Variants in CUBN observed in about 807,000 individuals in gnomAD.
CUBN encodes cubilin.
CUBN carries 282 observed loss-of-function variants against 405.3 expected under a neutral mutation model. The ratio of observed to expected loss-of-function variants is 0.70; its 90% CI spans 0.63 to 0.77. The LOEUF (loss-of-function observed/expected upper bound fraction) is 0.77, where lower values mean the gene tolerates loss of function less well. CUBN is among the 30% of genes least tolerant of loss of function. The pLI, the probability that CUBN is intolerant of heterozygous loss-of-function variation, is 0.00. For missense variants in CUBN, 4,514 were observed against 4,475.2 expected (o/e 1.01, Z -0.25); for synonymous variants, 1,684 against 1,617.0 (o/e 1.04, Z -0.99).
chr10:17,003,687 T>A (rs1176385025), intron 28 of CUBN, among the ~76,000 whole-genome samples: 1 of 152,182 alleles, frequency 6.6e-6, no homozygotes, highest in Non-Finnish European at 1.5e-5. Flanking sequence ...TGATCTAATA[T>A]TTTCTGTGCC....
intron 28 of CUBN, among the ~76,000 whole-genome samples, chr10:16,992,625 C>T (rs1449121254): frequency 1.3e-5 from 2 of 152,098 alleles, no homozygotes; most frequent in African/African-American, 4.8e-5. Flanking sequence ...CACTGAGAAG[C>T]ACTGAGAATT....
rs536717268 is a variant in CUBN, at chr10:16,901,229, C to G, written c.8184+109G>C. On this transcript the variant is annotated intron_variant, in intron 52 of 66. Coordinates refer to ENST00000377833, the MANE Select transcript of CUBN (RefSeq NM_001081.4). Reference sequence around the variant, plus strand: ...AAAAACAGTGATCTCATTGTAGAATCAAAGCCTTCTCTAATCACTTGCTTA... The same window carrying G: ...AAAAACAGTGATCTCATTGTAGAATGAAAGCCTTCTCTAATCACTTGCTTA... 13 of 1,461,764 alleles carry G rather than the reference C, an allele frequency of 8.9e-6. No homozygotes were observed. The African/African-American group carries it at 1.7e-4, about 19-fold the overall frequency. 90.5% of individuals were successfully genotyped at this position (1,461,764 alleles called of 1,614,324 possible).
intron 17 of CUBN, among the ~76,000 whole-genome samples, chr10:17,079,379 G>A (rs1018752494): frequency 6.6e-6 from 1 of 151,638 alleles, no homozygotes; most frequent in African/African-American, 2.4e-5. Context: ...GGGATTACAG[G>A]TGCCCACCAT....
intron 60 of CUBN, among the ~76,000 whole-genome samples, chr10:16,844,562 G>C (rs1839455809): frequency 6.6e-6 from 1 of 152,198 alleles, no homozygotes; most frequent in Non-Finnish European, 1.5e-5. Flanking sequence ...AGGAAGGTAG[G>C]AGGCAGAAGC....
At position 17,071,298 on chromosome 10, in the gene CUBN, T is replaced by G. The variant is rs1022727625; in HGVS notation, c.2625+128A>C. ...GTATTTTGCTGAGGATTTTTACATA[T>G]GTATCCATAAGACATATTGGTCTAC... On this transcript the variant is annotated intron_variant, in intron 19 of 66. Transcript: ENST00000377833. The G allele has an allele frequency of 7.5e-6, 7 of 938,284 alleles. No homozygotes were observed. In the African/African-American group the frequency reaches 9.9e-5, roughly 13 times the overall value. 58.1% of individuals were successfully genotyped at this position (938,284 alleles called of 1,614,324 possible).
At chr10:16,854,993 TTTCC>T (rs890778169) in intron 59 of CUBN, among the ~76,000 whole-genome samples, 2 of 141,758 alleles carry the variant, frequency 1.4e-5, no homozygotes, top group Non-Finnish European at 3.1e-5. Context: ...CTTCCTTTCC[TTTCC>T]TTTTTTCTCT....
rs1262772039 is a variant in CUBN, at chr10:16,906,750, T to C, written c.7706-341A>G. On this transcript the variant is annotated intron_variant, in intron 49 of 66. Coordinates refer to ENST00000377833, the MANE Select transcript of CUBN (RefSeq NM_001081.4). The stretch of plus-strand genomic sequence containing the variant: ...TAAATATAATGGTGGCAGGTCCTAA[T>C]GGCTTGATTAGCAATTCTCCACTTG... Among the ~76,000 whole-genome samples the C allele has an allele frequency of 2.6e-5, 4 of 152,328 alleles. No homozygotes were observed. The South Asian group carries it at 6.2e-4, about 24-fold the overall frequency.
intron 22 of CUBN, among the ~76,000 whole-genome samples, chr10:17,057,785 A>G (rs533141308): frequency 7.2e-5 from 11 of 152,196 alleles, no homozygotes; most frequent in African/African-American, 2.4e-4. Flanking sequence ...AAAAAAACAC[A>G]TGAATACAGC....
intron 59 of CUBN, among the ~76,000 whole-genome samples, chr10:16,862,032 C>T (rs918865195): frequency 3.3e-5 from 5 of 151,992 alleles, no homozygotes; most frequent in African/African-American, 1.2e-4. Context: ...GCGGGTAATC[C>T]CAGCTACTCA....
rs1836830460 is a variant in CUBN at position 17,114,108 on chromosome 10, T to C, written c.802A>G (p.Ser268Gly). The change falls in exon 8 of 67, where the codon AGC (serine) becomes GGC (glycine). Residue 268 changes from serine to glycine, a missense_variant. Transcript: ENST00000377833. ...GTGGAGCAAGGCCCGGGCTGGAAGC[T>C]GCACTCGTCTCTGTCCAGCGTGCAG... ...PACTLDRDEC[S>G]FQPGPCSTLV... 2.5e-6 allele frequency: 4 copies of C among 1,613,522 alleles called. No homozygotes were observed. In the East Asian group the frequency reaches 8.9e-5, roughly 36 times the overall value.
intron 10 of CUBN, among the ~76,000 whole-genome samples, chr10:17,106,496 G>C (rs549816335): frequency 1.3e-5 from 2 of 151,044 alleles, no homozygotes; most frequent in South Asian, 4.2e-4. Flanking sequence ...TAATCAGGAG[G>C]CCGAGGCAGG....
intron 36 of CUBN, among the ~76,000 whole-genome samples, chr10:16,942,552 A>C (rs1022341964): frequency 1.3e-5 from 2 of 152,208 alleles, no homozygotes; most frequent in African/African-American, 4.8e-5. Context: ...ACCACCAGGA[A>C]GACTATTATT....
intron 28 of CUBN, among the ~76,000 whole-genome samples, chr10:17,007,496 G>A (rs1319660737): frequency 2.0e-5 from 3 of 152,186 alleles, no homozygotes; most frequent in Non-Finnish European, 2.9e-5. Flanking sequence ...GTATGAACTG[G>A]GGAAATGAAT....
intron 23 of CUBN, among the ~76,000 whole-genome samples, chr10:17,046,501 T>C (rs1196038661): frequency 2.0e-5 from 3 of 152,168 alleles, no homozygotes; most frequent in Admixed American, 2.0e-4. Context: ...TGGAAATTTT[T>C]GAAATGTAAT....
chr10:17,103,633 C>T (rs966538344), intron 12 of CUBN, among the ~76,000 whole-genome samples: 1 of 152,216 alleles, frequency 6.6e-6, no homozygotes, highest in African/African-American at 2.4e-5. Flanking sequence ...CAGTATTTTA[C>T]ACTTTCATAT....
intron 48 of CUBN, among the ~76,000 whole-genome samples, chr10:16,912,494 G>C (rs1841760842): frequency 1.3e-5 from 2 of 152,204 alleles, no homozygotes; most frequent in African/African-American, 4.8e-5. Context: ...ATGGCAGCAG[G>C]TGTGAAGTGC....
At chr10:16,931,906 A>T (rs1265173098) in intron 40 of CUBN, among the ~76,000 whole-genome samples, 4 of 152,204 alleles carry the variant, frequency 2.6e-5, no homozygotes, top group African/African-American at 9.7e-5. Flanking sequence ...TTTTTCAAAG[A>T]TATTTTTTAA....
At chr10:16,907,350 C>T (rs888014885) in intron 49 of CUBN, among the ~76,000 whole-genome samples, 158 bp downstream of exon 49, 1 of 152,122 alleles carries the variant, frequency 6.6e-6, no homozygotes, top group African/African-American at 2.4e-5. Flanking sequence ...TTTCTGTCTG[C>T]AGTGCGTTTT....
intron 8 of CUBN, among the ~76,000 whole-genome samples, chr10:17,111,497 A>C (rs1056267556): frequency 6.6e-6 from 1 of 152,224 alleles, no homozygotes; most frequent in Non-Finnish European, 1.5e-5. Context: ...TATCAATAGA[A>C]GCATAGCTGA....
Sources: gnomAD v4.1 joint callset for allele counts (sites outside exome capture counted in the v4.1 genomes callset) on GRCh38, gnomAD v4.1.1 for gene constraint, MANE v1.5 for transcripts, NCBI Gene and HGNC (gene_info 2026-07-23, HGNC 2026-07-21) for gene names.